Variants in ASCC3 observed in about 807,000 individuals in gnomAD.
ASCC3 encodes activating signal cointegrator 1 complex subunit 3.
Under a neutral mutation model 256.3 loss-of-function variants are expected in ASCC3, and 158 were observed. The observed-to-expected ratio is 0.62, with a 90% confidence interval of 0.54 to 0.70. The LOEUF is 0.70. ASCC3 is among the 30% of genes least tolerant of loss of function. ASCC3 has a pLI of 0.00. For missense variants in ASCC3, 2,259 were observed against 2,626.0 expected, an observed-to-expected ratio of 0.86 and a Z score of 3.05; for synonymous variants, 948 against 883.4, an observed-to-expected ratio of 1.07 and a Z score of -1.30.
chr6:100,619,042 G>A (rs1051116482), intron 30 of ASCC3, among the ~76,000 whole-genome samples: 2 of 152,162 alleles, frequency 1.3e-5, no homozygotes, highest in African/African-American at 2.4e-5. Context: ...GGCAATACCT[G>A]GGAAAGGTTG....
chr6:100,769,103 CACTA>C, intron 8 of ASCC3, among the ~76,000 whole-genome samples: 1 of 152,106 alleles, frequency 6.6e-6, no homozygotes, highest in East Asian at 1.9e-4. Flanking sequence ...AATTTTGTAG[CACTA>C]ACTACTATAT....
intron 1 of ASCC3, among the ~76,000 whole-genome samples, chr6:100,870,202 T>C (rs1021808365): frequency 8.0e-6 from 1 of 124,230 alleles, no homozygotes; most frequent in African/African-American, 3.0e-5. Flanking sequence ...AAAAAATGCA[T>C]ATTTTTAAAA....
chr6:100,534,449 T>C (rs1023220256), intron 37 of ASCC3, among the ~76,000 whole-genome samples: 1 of 152,244 alleles, frequency 6.6e-6, no homozygotes, highest in Non-Finnish European at 1.5e-5. Flanking sequence ...TTCTTTGGCA[T>C]ATCCAGTACA....
chr6:100,745,807 A>G (rs1780639083), intron 10 of ASCC3, among the ~76,000 whole-genome samples: 1 of 152,094 alleles, frequency 6.6e-6, no homozygotes, highest in South Asian at 2.1e-4. Flanking sequence ...GTACTGCTCT[A>G]TTTCCTAGTT....
chr6:100,687,126 T>C (rs1337957341), intron 13 of ASCC3, among the ~76,000 whole-genome samples: 1 of 150,388 alleles, frequency 6.6e-6, no homozygotes, highest in Non-Finnish European at 1.5e-5. Context: ...AGTGAAAAAA[T>C]ATCAATTGAA....
At chr6:100,779,941 GAAAC>G (rs1028903359) in intron 8 of ASCC3, among the ~76,000 whole-genome samples, 1 of 151,802 alleles carries the variant, frequency 6.6e-6, no homozygotes, top group African/African-American at 2.4e-5. Flanking sequence ...TACATATTAA[GAAAC>G]AAACAAATTA....
At chr6:100,591,535 T>C (rs1771998877) in intron 34 of ASCC3, among the ~76,000 whole-genome samples, 1 of 152,030 alleles carries the variant, frequency 6.6e-6, no homozygotes, top group Non-Finnish European at 1.5e-5. Flanking sequence ...ACATAGCTGA[T>C]AAAGTTATTT....
chr6:100,824,360 A>G (rs967506367), intron 4 of ASCC3, among the ~76,000 whole-genome samples: 1 of 152,190 alleles, frequency 6.6e-6, no homozygotes, highest in African/African-American at 2.4e-5. Context: ...AATTCATTAA[A>G]AGTCAAAAAT....
At chr6:100,518,260 T>G (rs1582375687) in intron 37 of ASCC3, 118 bp from the exon 38 acceptor site, 2 of 1,102,388 alleles carry the variant, frequency 1.8e-6, no homozygotes, top group East Asian at 5.1e-5. Context: ...ATCTCTAAAT[T>G]ACTATTCATC....
intron 37 of ASCC3, among the ~76,000 whole-genome samples, chr6:100,531,659 T>A (rs557189419): frequency 6.6e-6 from 1 of 151,880 alleles, no homozygotes; most frequent in Non-Finnish European, 1.5e-5. Context: ...ACGTGAAAAA[T>A]TTTTAGAATA....
intron 22 of ASCC3, among the ~76,000 whole-genome samples, chr6:100,645,684 T>C (rs1414439220): frequency 2.0e-5 from 3 of 152,144 alleles, no homozygotes; most frequent in Non-Finnish European, 4.4e-5. Context: ...GGTACAAAAA[T>C]AGATCTTTAA....
intron 4 of ASCC3, among the ~76,000 whole-genome samples, chr6:100,820,842 A>G (rs545162247): frequency 2.6e-5 from 4 of 152,310 alleles, no homozygotes; most frequent in South Asian, 4.1e-4. Flanking sequence ...TTCTGCATGG[A>G]CTATACACGA....
At chr6:100,551,974 G>T (rs551681104) in intron 36 of ASCC3, among the ~76,000 whole-genome samples, 1 of 151,826 alleles carries the variant, frequency 6.6e-6, no homozygotes, top group South Asian at 2.1e-4. Flanking sequence ...TACAATAGGT[G>T]ATCTTCAGCT....
chr6:100,573,719 C>T (rs1452640469), intron 36 of ASCC3, among the ~76,000 whole-genome samples: 1 of 151,892 alleles, frequency 6.6e-6, no homozygotes, highest in East Asian at 1.9e-4. Context: ...AGACTTACTA[C>T]CGATAATTAA....
intron 22 of ASCC3, 118 bp downstream of exon 22, chr6:100,646,496 TA>T: frequency 8.9e-7 from 1 of 1,118,106 alleles, no homozygotes; most frequent in Non-Finnish European, 1.3e-6. Context: ...ATTTTTAAAA[TA>T]AATCCTCAAT....
At chr6:100,850,002 A>G (rs1772580525) in intron 3 of ASCC3, among the ~76,000 whole-genome samples, 1 of 146,680 alleles carries the variant, frequency 6.8e-6, no homozygotes, top group Non-Finnish European at 1.5e-5. Context: ...CGAGAGGCTG[A>G]GGCAGGAGGA....
In ASCC3 at chr6:100,646,596, A is replaced by T. The variant is rs1000248183; in HGVS notation, c.3633+19T>A. On this transcript the variant is annotated intron_variant, in intron 22 of 41. Transcript: ENST00000369162. ...AGATATTTTTGTTTAACACAGATAT[A>T]GCCGTTTTCCACTTCTACCTGATCA... 1 of 1,613,908 alleles carries T rather than the reference A, an allele frequency of 6.2e-7. No individual in the cohort carries two copies. The highest frequency in any genetic ancestry group is 8.5e-7 in the Non-Finnish European group (1 of 1,179,836).
At chr6:100,875,457 C>T (rs1049848602) in intron 1 of ASCC3, among the ~76,000 whole-genome samples, 1 of 152,202 alleles carries the variant, frequency 6.6e-6, no homozygotes, top group Non-Finnish European at 1.5e-5. Flanking sequence ...GTTATCACTT[C>T]ATCATAGTTA....
chr6:100,747,006 G>A (rs528940778), intron 10 of ASCC3, among the ~76,000 whole-genome samples: 22 of 152,078 alleles, frequency 1.4e-4, no homozygotes, highest in South Asian at 1.0e-3. Context: ...TGCAAAACAC[G>A]TATCCAACAA....
Sources: allele counts gnomAD v4.1 joint callset (sites outside exome capture counted in the v4.1 genomes callset), GRCh38; gene constraint gnomAD v4.1.1; transcripts MANE v1.5; gene names NCBI Gene and HGNC (gene_info 2026-07-23, HGNC 2026-07-21).